Variants in SND1 observed in about 807,000 individuals in gnomAD.
SND1 encodes staphylococcal nuclease domain-containing protein 1.
SND1 carries 38 observed loss-of-function variants against 121.7 expected under a neutral mutation model. The observed-to-expected ratio is 0.31, with a 90% CI of 0.24 to 0.41. The LOEUF (loss-of-function observed/expected upper bound fraction) is 0.41, where lower values mean the gene tolerates loss of function less well. SND1 is among the 10% of genes least tolerant of loss of function. SND1 has a pLI of 1.00. For synonymous variants in SND1, 401 were observed against 447.4 expected (o/e 0.90, Z 1.31); for missense variants, 868 against 1,184.6 (o/e 0.73, Z 3.92).
At chr7:128,031,296 T>TCCGGCGGCC (rs1387127059) in intron 16 of SND1, among the ~76,000 whole-genome samples, 16 of 142,012 alleles carry the variant, frequency 1.1e-4, no homozygotes, top group African/African-American at 4.0e-4. Flanking sequence ...CAAAGTGCGC[T>TCCGGCGGCC]CCGGCGGCCC....
At chr7:127,747,795 C>T (rs1181364284) in intron 10 of SND1, among the ~76,000 whole-genome samples, 2 of 152,194 alleles carry the variant, frequency 1.3e-5, no homozygotes, top group Non-Finnish European at 2.9e-5. Context: ...TTGTCAATGT[C>T]ACCATGTCGT....
chr7:127,810,129 T>C (rs1225168286), intron 11 of SND1, among the ~76,000 whole-genome samples: 1 of 152,250 alleles, frequency 6.6e-6, no homozygotes, highest in East Asian at 1.9e-4. Flanking sequence ...TCTGAGGTTA[T>C]GAGAAGTGCA....
chr7:127,975,705 G>A (rs1447760482), intron 15 of SND1, among the ~76,000 whole-genome samples: 2 of 152,200 alleles, frequency 1.3e-5, no homozygotes, highest in Non-Finnish European at 2.9e-5. Context: ...GGCTTTGGAA[G>A]ACATGTGAAG....
intron 10 of SND1, among the ~76,000 whole-genome samples, chr7:127,790,896 G>A (rs558676008): frequency 6.6e-6 from 1 of 152,258 alleles, no homozygotes; most frequent in Admixed American, 6.5e-5. Context: ...ATCAAAAGAG[G>A]ACCATAAGAT....
At chr7:127,792,358 T>G (rs1797925673) in intron 10 of SND1, among the ~76,000 whole-genome samples, 1 of 152,188 alleles carries the variant, frequency 6.6e-6, no homozygotes, top group South Asian at 2.1e-4. Flanking sequence ...TATCTGATGG[T>G]CACTTTTCTT....
chr7:128,042,714 C>T (rs892686101), intron 16 of SND1, among the ~76,000 whole-genome samples: 2 of 152,192 alleles, frequency 1.3e-5, no homozygotes, highest in Non-Finnish European at 1.5e-5. Flanking sequence ...GAATTCTGCT[C>T]CTGAACATCT....
intron 12 of SND1, among the ~76,000 whole-genome samples, chr7:127,861,344 C>T (rs1242345734): frequency 6.6e-6 from 1 of 152,108 alleles, no homozygotes; most frequent in Non-Finnish European, 1.5e-5. Flanking sequence ...TGGTTTGGAT[C>T]CTTTGAATTG....
chr7:127,914,102 A>T (rs1328739395), intron 14 of SND1, among the ~76,000 whole-genome samples: 1 of 152,180 alleles, frequency 6.6e-6, no homozygotes, highest in Admixed American at 6.5e-5. Flanking sequence ...TACAGTATCG[A>T]ATTTGGAAGG....
rs1030948421 is a variant in SND1 at position 127,762,915 on chromosome 7, A to G, written c.1152+41515A>G. ...ATGCAGTCAAGCTGGCTAAATATGT[A>G]GGTAACTTCATCAAATGTACATAAT... On this transcript the variant is annotated intron_variant, in intron 10 of 23. Coordinates refer to ENST00000354725, the MANE Select transcript of SND1 (RefSeq NM_014390.4). Among the ~76,000 whole-genome samples, 24 of 152,362 alleles carry G rather than the reference A, an allele frequency of 1.6e-4. 1 individual carries two copies. The East Asian group carries it at 3.7e-3, about 23-fold the overall frequency.
chr7:128,023,130 G>A (rs1803396273), intron 16 of SND1, among the ~76,000 whole-genome samples: 1 of 152,134 alleles, frequency 6.6e-6, no homozygotes, highest in South Asian at 2.1e-4. Flanking sequence ...CTCCTTGACT[G>A]CATTGCAGCC....
chr7:127,906,319 G>A (rs1166198488), intron 14 of SND1, among the ~76,000 whole-genome samples: 1 of 152,156 alleles, frequency 6.6e-6, no homozygotes, highest in African/African-American at 2.4e-5. Context: ...TTTAACAGGT[G>A]TAACTCATCC....
intron 10 of SND1, among the ~76,000 whole-genome samples, chr7:127,732,237 C>G (rs1246041414): frequency 6.6e-6 from 1 of 152,242 alleles, no homozygotes; most frequent in East Asian, 1.9e-4. Context: ...TGTGCTCCTG[C>G]TACTTTAGTT....
chr7:127,866,828 T>G (rs1313913695), intron 12 of SND1, among the ~76,000 whole-genome samples: 3 of 152,208 alleles, frequency 2.0e-5, no homozygotes, highest in Non-Finnish European at 2.9e-5. Context: ...ATCAGGAAGA[T>G]GCCTTTAACT....
chr7:127,707,570 C>T lies in SND1; in HGVS notation c.961C>T (p.Arg321Cys), dbSNP rs753520448. ...LRAAERFAKE[R>C]RLRIWRDYVA... ...CTTTGTTGCCAGGTTTGCCAAAGAG[C>T]GCAGGCTGAGAATATGGAGAGACTA... Residue 321 changes from arginine to cysteine, a missense_variant, in exon 9 of 24, where the codon CGC becomes TGC. Arg to Cys is a radical substitution (Grantham distance 180). This residue lies in a region of SND1 where 743 missense variants were observed against 1,071.3 expected (regional missense o/e 0.69). Coordinates refer to ENST00000354725, the MANE Select transcript of SND1 (RefSeq NM_014390.4). 1.4e-5 allele frequency: 23 copies of T among 1,613,862 alleles called. No homozygotes were observed. The highest frequency in any genetic ancestry group is 5.0e-5 in the Admixed American group (3 of 59,990).
chr7:128,074,808 G>A lies in SND1; in HGVS notation c.1968+118G>A, dbSNP rs552664371. On this transcript the variant is annotated intron_variant, in intron 17 of 23. Transcript: ENST00000354725. ...CATCCCCACAGAGTAGCCCAGGAAG[G>A]TGTTGGTCTCAGACCCCACACCAAG... The A allele has an allele frequency of 4.7e-6, 5 of 1,065,914 alleles. No individual in the cohort carries two copies. The South Asian group carries it at 6.5e-5, about 14-fold the overall frequency. The allele number at this position is 1,065,914 out of a possible 1,614,324, so 66.0% of individuals were successfully genotyped here.
chr7:128,004,255 AAT>A (rs10584342), intron 16 of SND1, among the ~76,000 whole-genome samples: 49,858 of 151,728 alleles, frequency 0.33, 8,519 homozygotes, highest in South Asian at 0.42. Flanking sequence ...CCAGCTGCAA[AAT>A]GGAAGAACTA....
At chr7:127,902,303 G>T (rs74404226) in intron 13 of SND1, among the ~76,000 whole-genome samples, 2,549 of 152,260 alleles carry the variant, frequency 0.017, 74 homozygotes, top group African/African-American at 0.058. Context: ...AAAGGATAAG[G>T]CTGTAGGCAT....
At chr7:128,055,967 C>A (rs1793135209) in intron 16 of SND1, among the ~76,000 whole-genome samples, 1 of 152,224 alleles carries the variant, frequency 6.6e-6, no homozygotes, top group South Asian at 2.1e-4. Context: ...TTAGGCAGGA[C>A]TGAGTTCAAA....
intron 15 of SND1, among the ~76,000 whole-genome samples, chr7:127,935,984 G>T (rs1043968508): frequency 6.6e-6 from 1 of 152,190 alleles, no homozygotes; most frequent in African/African-American, 2.4e-5. Flanking sequence ...AGCTTGATAG[G>T]GAGTGGCATT....
Sources: allele counts gnomAD v4.1 joint callset (sites outside exome capture counted in the v4.1 genomes callset), GRCh38; gene constraint gnomAD v4.1.1; regional missense constraint gnomAD v4.1.1; transcripts MANE v1.5; gene names NCBI Gene and HGNC (gene_info 2026-07-23, HGNC 2026-07-21).